KCNIP4: variants seen among roughly 807,000 people sequenced by gnomAD.
KCNIP4 encodes potassium voltage-gated channel interacting protein 4.
A neutral mutation model predicts 34.0 loss-of-function variants in KCNIP4; 12 were observed. The observed-to-expected ratio is 0.35, with a 90% CI of 0.23 to 0.57. KCNIP4 has a LOEUF of 0.57. Ranked by LOEUF, KCNIP4 falls within the 20% of genes least tolerant of loss-of-function variation. The pLI, the probability that KCNIP4 is intolerant of heterozygous loss-of-function variation, is 0.83. For missense variants in KCNIP4, 238 were observed against 311.7 expected (o/e 0.76, Z 1.78); for synonymous variants, 124 against 102.2 (o/e 1.21, Z -1.29).
intron 1 of KCNIP4, among the ~76,000 whole-genome samples, chr4:21,721,318 C>T (rs959217289): frequency 1.3e-5 from 2 of 152,086 alleles, no homozygotes; most frequent in African/African-American, 4.8e-5. Context: ...TTTCTGCATT[C>T]AGGGGATCTA....
At chr4:21,090,985 T>C (rs1746947476) in intron 1 of KCNIP4, among the ~76,000 whole-genome samples, 1 of 152,172 alleles carries the variant, frequency 6.6e-6, no homozygotes. Context: ...ACATATGAAA[T>C]TGTGTTAGGA....
chr4:21,667,640 A>G (rs987500239), intron 1 of KCNIP4, among the ~76,000 whole-genome samples: 14 of 152,254 alleles, frequency 9.2e-5, no homozygotes, highest in African/African-American at 3.4e-4. Flanking sequence ...AGATAAGCCA[A>G]CAATGACCAC....
At chr4:21,851,922 T>C (rs1724428324) in intron 1 of KCNIP4, 2 of 152,086 alleles carry the variant, frequency 1.3e-5, no homozygotes, top group African/African-American at 4.8e-5. Flanking sequence ...AATTGTTTCA[T>C]GCCTATATGC....
intron 3 of KCNIP4, among the ~76,000 whole-genome samples, chr4:20,841,436 A>T (rs1489163966): frequency 6.6e-6 from 1 of 152,176 alleles, no homozygotes; most frequent in African/African-American, 2.4e-5. Context: ...CAGAGTCTCC[A>T]AACCTACTTT....
At chr4:21,633,922 A>G (rs1335360024) in intron 1 of KCNIP4, among the ~76,000 whole-genome samples, 2 of 152,206 alleles carry the variant, frequency 1.3e-5, no homozygotes, top group East Asian at 3.9e-4. Flanking sequence ...TTCGGTTATT[A>G]GAAAATACTT....
intron 1 of KCNIP4, among the ~76,000 whole-genome samples, chr4:21,904,603 T>C (rs1376284095): frequency 6.6e-6 from 1 of 152,236 alleles, no homozygotes; most frequent in Non-Finnish European, 1.5e-5. Flanking sequence ...TCCTGAATTA[T>C]CTTGGATAGA....
intron 1 of KCNIP4, among the ~76,000 whole-genome samples, chr4:21,280,882 C>T (rs1055675712): frequency 2.6e-5 from 4 of 151,988 alleles, no homozygotes; most frequent in South Asian, 2.1e-4. Flanking sequence ...GGGTTTCTTG[C>T]GTAGCAGAGA....
chr4:21,032,413 G>A (rs1189626235), intron 1 of KCNIP4, among the ~76,000 whole-genome samples: 2 of 152,030 alleles, frequency 1.3e-5, no homozygotes, highest in Non-Finnish European at 2.9e-5. Flanking sequence ...CTAAGGGTCT[G>A]TTATTGGCAT....
intron 1 of KCNIP4, among the ~76,000 whole-genome samples, chr4:21,700,942 T>C (rs1712784962): frequency 6.6e-6 from 1 of 152,162 alleles, no homozygotes; most frequent in Non-Finnish European, 1.5e-5. Flanking sequence ...GTCAAAAAGA[T>C]ATCTGCATTT....
At chr4:21,693,578 A>C (rs1322261708) in intron 1 of KCNIP4, among the ~76,000 whole-genome samples, 3 of 152,116 alleles carry the variant, frequency 2.0e-5, no homozygotes, top group African/African-American at 4.8e-5. Flanking sequence ...TAAATAAATA[A>C]ATAAATAAGT....
At chr4:21,336,762 A>G (rs1560301878) in intron 1 of KCNIP4, among the ~76,000 whole-genome samples, 1 of 152,124 alleles carries the variant, frequency 6.6e-6, no homozygotes, top group Non-Finnish European at 1.5e-5. Flanking sequence ...CATCTGTAAT[A>G]TGAAGGGATG....
intron 1 of KCNIP4, among the ~76,000 whole-genome samples, chr4:20,954,461 T>C (rs1454276840): frequency 2.6e-5 from 4 of 152,276 alleles, no homozygotes; most frequent in East Asian, 1.9e-4. Flanking sequence ...CTGCAGGGTG[T>C]AGAGATGATT....
chr4:21,318,683 G>A (rs769341474), intron 1 of KCNIP4, among the ~76,000 whole-genome samples: 21 of 151,880 alleles, frequency 1.4e-4, no homozygotes, highest in Admixed American at 3.3e-4. Flanking sequence ...AGTGCTTTTT[G>A]ATATGTGTCT....
At position 20,986,057 on chromosome 4, in the gene KCNIP4, G is replaced by T. The variant is rs112626144; in HGVS notation, c.62-103348C>A. 6.6e-5 allele frequency among the ~76,000 whole-genome samples: 10 copies of T among 152,238 alleles called. 2 individuals are homozygous for T. The highest frequency in any genetic ancestry group is 2.4e-4 in the African/African-American group (10 of 41,552). ...CGGGGAGCTGAGCCCAGTCCCTGGGGTCCCCTGCTCACATATGGTAGTTGT... is the reference window on the plus strand; with the variant it reads ...CGGGGAGCTGAGCCCAGTCCCTGGGTTCCCCTGCTCACATATGGTAGTTGT... On this transcript the variant is annotated intron_variant, in intron 1 of 8. Transcript: ENST00000382152.
intron 1 of KCNIP4, among the ~76,000 whole-genome samples, chr4:21,766,657 A>T (rs1718437184): frequency 6.6e-6 from 1 of 152,192 alleles, no homozygotes; most frequent in Non-Finnish European, 1.5e-5. Flanking sequence ...TTCATAAGGT[A>T]GGTAAAATAA....
intron 1 of KCNIP4, among the ~76,000 whole-genome samples, chr4:21,529,898 T>C (rs1410599116): frequency 6.6e-6 from 1 of 152,232 alleles, no homozygotes; most frequent in Non-Finnish European, 1.5e-5. Flanking sequence ...TAGAGAGGAT[T>C]GAACGTTTGA....
chr4:21,524,173 C>T (rs1232753482), intron 1 of KCNIP4, among the ~76,000 whole-genome samples: 2 of 152,006 alleles, frequency 1.3e-5, no homozygotes, highest in African/African-American at 4.8e-5. Flanking sequence ...CTGCTCACTC[C>T]TATTTTCACC....
intron 1 of KCNIP4, among the ~76,000 whole-genome samples, chr4:21,264,907 G>A (rs1044670895): frequency 1.5e-4 from 23 of 151,988 alleles, no homozygotes; most frequent in Non-Finnish European, 3.2e-4. Context: ...AGACCAGCCT[G>A]GCCAACATGG....
Position 21,344,781 on chromosome 4 carries a change from A to C in KCNIP4, c.62-462072T>G, listed in dbSNP as rs530036666. On this transcript the variant is annotated intron_variant, in intron 1 of 8. Coordinates refer to ENST00000382152, the MANE Select transcript of KCNIP4 (RefSeq NM_025221.6). The stretch of plus-strand genomic sequence containing the variant: ...AATATTGATTACTGTTGTTATTTTT[A>C]AAGGTAATTCTTAAAGTCATGTTGT... Among the ~76,000 whole-genome samples the C allele has an allele frequency of 7.9e-5, 12 of 152,282 alleles. 1 individual carries two copies. The highest frequency in any genetic ancestry group is 2.9e-4 in the African/African-American group (12 of 41,574).
Sources: allele counts gnomAD v4.1 joint callset (sites outside exome capture counted in the v4.1 genomes callset), GRCh38; gene constraint gnomAD v4.1.1; transcripts MANE v1.5; gene names NCBI Gene and HGNC (gene_info 2026-07-23, HGNC 2026-07-21).